Variants in CSMD1 observed in about 807,000 individuals in gnomAD.
CSMD1 encodes CUB and Sushi multiple domains 1.
CSMD1 carries 213 observed loss-of-function variants against 417.5 expected under a neutral mutation model. The observed-to-expected ratio is 0.51, with a 90% CI of 0.46 to 0.57. The LOEUF (loss-of-function observed/expected upper bound fraction) is 0.57, where lower values mean the gene tolerates loss of function less well. Ranked by LOEUF, CSMD1 falls within the 20% of genes least tolerant of loss-of-function variation. The pLI, the probability that CSMD1 is intolerant of heterozygous loss-of-function variation, is 0.00. For missense variants in CSMD1, 6,923 were observed against 4,529.7 expected (o/e 1.53, Z -15.17); for synonymous variants, 2,862 against 1,736.8 (o/e 1.65, Z -16.11).
At chr8:4,809,202 G>A (rs1291847514) in intron 1 of CSMD1, among the ~76,000 whole-genome samples, 2 of 152,180 alleles carry the variant, frequency 1.3e-5, no homozygotes, top group Non-Finnish European at 2.9e-5. Context: ...TGAATTCACT[G>A]ATATTATTCT....
At chr8:4,818,565 G>C (rs188241655) in intron 1 of CSMD1, among the ~76,000 whole-genome samples, 1 of 152,200 alleles carries the variant, frequency 6.6e-6, no homozygotes. Context: ...ACACACATGT[G>C]CACATATATT....
intron 3 of CSMD1, among the ~76,000 whole-genome samples, chr8:4,098,813 T>C (rs1399070922): frequency 6.6e-6 from 1 of 152,188 alleles, no homozygotes; most frequent in Non-Finnish European, 1.5e-5. Flanking sequence ...CATAAAAAGT[T>C]GTCTCTTCTC....
At chr8:3,471,045 G>T (rs183191761) in intron 11 of CSMD1, among the ~76,000 whole-genome samples, 3 of 152,264 alleles carry the variant, frequency 2.0e-5, no homozygotes, top group Admixed American at 1.3e-4. Flanking sequence ...GCGCAAGAGG[G>T]CAATAGCTGC....
At position 2,937,800 on chromosome 8, in the gene CSMD1, A is replaced by G. The variant is rs1379022142; in HGVS notation, c.*785T>C. 6.5e-6 allele frequency: 1 copy of G among 152,684 alleles called. No homozygotes were observed. The allele number at this position is 152,684 out of a possible 1,614,324, so 9.5% of individuals were successfully genotyped here. A position where few individuals can be genotyped will look rare whatever the true frequency, so the allele number is the denominator to read the frequency against. On this transcript the variant is annotated 3_prime_UTR_variant, in exon 70 of 70. Coordinates refer to ENST00000635120, the MANE Select transcript of CSMD1 (RefSeq NM_033225.6). The stretch of plus-strand genomic sequence containing the variant: ...AGGAATACTTTTCCCTAACACTCCA[A>G]CTAAGCTGATGGGGGAATGTTTAGC...
intron 6 of CSMD1, among the ~76,000 whole-genome samples, chr8:3,744,213 G>T (rs1478457852): frequency 6.6e-6 from 1 of 152,166 alleles, no homozygotes; most frequent in Non-Finnish European, 1.5e-5. Context: ...GGGATGACGT[G>T]TTCAAGCCGC....
chr8:3,745,359 G>A lies in CSMD1; in HGVS notation c.931+8571C>T, dbSNP rs548249771. ...ATGAGCCTTTAAAAACTACCACTGA[G>A]ACTGAGCTGACCAGCAGGAGGGAAC... is the stretch of plus-strand genomic sequence containing the variant. On this transcript the variant is annotated intron_variant, in intron 6 of 69. Coordinates refer to ENST00000635120, the MANE Select transcript of CSMD1 (RefSeq NM_033225.6). Among the ~76,000 whole-genome samples the A allele has an allele frequency of 5.2e-4, 79 of 152,264 alleles. 1 individual carries two copies. The South Asian group carries it at 8.1e-3, about 16-fold the overall frequency.
intron 3 of CSMD1, among the ~76,000 whole-genome samples, chr8:4,118,761 T>C (rs1263971956): frequency 6.6e-6 from 1 of 152,234 alleles, no homozygotes; most frequent in Non-Finnish European, 1.5e-5. Context: ...CAAAGGAATA[T>C]GAATCGTTCT....
At chr8:4,272,378 A>C (rs1804658629) in intron 3 of CSMD1, among the ~76,000 whole-genome samples, 1 of 152,318 alleles carries the variant, frequency 6.6e-6, no homozygotes, top group South Asian at 2.1e-4. Flanking sequence ...TTTCACCTGA[A>C]GTCTCAGTTT....
At chr8:3,185,171 G>C (rs1821669289) in intron 36 of CSMD1, among the ~76,000 whole-genome samples, 1 of 152,220 alleles carries the variant, frequency 6.6e-6, no homozygotes, top group African/African-American at 2.4e-5. Flanking sequence ...TCAGAGGGGA[G>C]TCCTGTGGAG....
intron 6 of CSMD1, among the ~76,000 whole-genome samples, chr8:3,738,209 T>C (rs1796621951): frequency 6.6e-6 from 1 of 152,166 alleles, no homozygotes; most frequent in African/African-American, 2.4e-5. Flanking sequence ...ATAAATTATA[T>C]GAAGTAGTGA....
chr8:4,848,011 C>T (rs927694642), intron 1 of CSMD1, among the ~76,000 whole-genome samples: 4 of 152,130 alleles, frequency 2.6e-5, no homozygotes, highest in African/African-American at 7.2e-5. Flanking sequence ...AACAACAACT[C>T]GTCTTCTTTT....
chr8:3,298,604 C>G (rs1469166960), intron 25 of CSMD1, among the ~76,000 whole-genome samples: 2 of 152,104 alleles, frequency 1.3e-5, no homozygotes, highest in African/African-American at 4.8e-5. Flanking sequence ...TAGGCGTGTG[C>G]CAACACAACT....
chr8:3,181,373 T>C (rs558912303), intron 36 of CSMD1, among the ~76,000 whole-genome samples, 159 bp from the exon 37 acceptor site: 1 of 152,368 alleles, frequency 6.6e-6, no homozygotes, highest in East Asian at 1.9e-4. Flanking sequence ...TATTCAGCCA[T>C]TCTATTTTTC....
intron 7 of CSMD1, 103 bp from the exon 8 acceptor site, chr8:3,616,900 T>C: frequency 1.4e-6 from 1 of 700,332 alleles, no homozygotes; most frequent in South Asian, 2.0e-5. Flanking sequence ...TGATAATGAC[T>C]TAAAATGTGA....
At chr8:3,685,283 A>C (rs1799890200) in intron 7 of CSMD1, among the ~76,000 whole-genome samples, 1 of 152,192 alleles carries the variant, frequency 6.6e-6, no homozygotes, top group Admixed American at 6.5e-5. Flanking sequence ...CATTACGTTG[A>C]GTTTAATGAC....
intron 3 of CSMD1, among the ~76,000 whole-genome samples, chr8:4,118,153 T>G (rs147430028): frequency 1.3e-5 from 2 of 152,236 alleles, no homozygotes; most frequent in Admixed American, 1.3e-4. Flanking sequence ...AGACTCTCAG[T>G]GGGAGCAGAG....
In CSMD1 at chr8:4,588,826, C is replaced by T. The variant is rs570878343; in HGVS notation, c.302+48516G>A. Reference sequence around the variant, plus strand: ...CACACAAAAGAAACTCTACTCTGTGCTTGATTCTGTTCACAGGCTGCTGCT... The same window carrying T: ...CACACAAAAGAAACTCTACTCTGTGTTTGATTCTGTTCACAGGCTGCTGCT... On this transcript the variant is annotated intron_variant, in intron 2 of 69. Transcript: ENST00000635120. Among the ~76,000 whole-genome samples the T allele has an allele frequency of 7.8e-5, 11 of 141,262 alleles. No homozygotes were observed. The East Asian group carries it at 2.3e-3, about 29-fold the overall frequency. The allele number at this position is 141,262 out of a possible 152,430, so 92.7% of individuals were successfully genotyped here. A position where few individuals can be genotyped will look rare whatever the true frequency, so the allele number is the denominator to read the frequency against.
intron 5 of CSMD1, among the ~76,000 whole-genome samples, chr8:3,783,507 G>A (rs114944190): frequency 1.3e-5 from 2 of 152,312 alleles, no homozygotes; most frequent in African/African-American, 4.8e-5. Context: ...GAGGGGAAAG[G>A]ACCTGAATCC....
chr8:4,110,393 G>C (rs1291906733), intron 3 of CSMD1, among the ~76,000 whole-genome samples: 1 of 152,064 alleles, frequency 6.6e-6, no homozygotes, highest in Admixed American at 6.6e-5. Context: ...TCAGCCAGCA[G>C]AAAGAGTCAA....
Sources: allele counts gnomAD v4.1 joint callset (sites outside exome capture counted in the v4.1 genomes callset), GRCh38; gene constraint gnomAD v4.1.1; transcripts MANE v1.5; gene names NCBI Gene and HGNC (gene_info 2026-07-23, HGNC 2026-07-21).